CADM2: variants seen among roughly 807,000 people sequenced by gnomAD.
CADM2 encodes the protein cell adhesion molecule 2, also known as immunoglobulin superfamily member 4D.
A neutral mutation model predicts 49.8 loss-of-function variants in CADM2; 12 were observed. The ratio of observed to expected loss-of-function variants is 0.24; its 90% CI spans 0.15 to 0.39. The LOEUF (loss-of-function observed/expected upper bound fraction) is 0.39. Among genes scored for constraint, CADM2 ranks in the 10% least tolerant of loss-of-function variants. The pLI is 1.00. For missense variants in CADM2, 378 were observed against 492.3 expected (o/e 0.77, Z 2.20); for synonymous variants, 214 against 175.4 (o/e 1.22, Z -1.74).
chr3:85,912,474 A>G lies in CADM2; in HGVS notation c.631A>G (p.Ile211Val). ...VDRSDDGVAV[I>V]CRVDHESLNA... The stretch of plus-strand genomic sequence containing the variant: ...CCGGAGTGATGATGGAGTGGCGGTC[A>G]TCTGCAGAGTAGATCACGAATCCCT... Residue 211 changes from isoleucine to valine, a missense_variant, in exon 6 of 10, where the codon ATC (isoleucine) becomes GTC (valine). Transcript: ENST00000383699. 6.2e-7 allele frequency: 1 copy of G among 1,614,120 alleles called. No individual in the cohort carries two copies. Among genetic ancestry groups the G allele is most frequent in the Non-Finnish European group, 8.5e-7 (1 of 1,179,986 alleles).
intron 1 of CADM2, among the ~76,000 whole-genome samples, chr3:85,560,657 A>G (rs1274325436): frequency 6.6e-6 from 1 of 152,178 alleles, no homozygotes; most frequent in Admixed American, 6.5e-5. Flanking sequence ...TTTTTTCACA[A>G]TGAAGCATTT....
chr3:86,026,390 C>G (rs1469354897), intron 8 of CADM2, among the ~76,000 whole-genome samples: 1 of 151,668 alleles, frequency 6.6e-6, no homozygotes, highest in African/African-American at 2.4e-5. Context: ...ACAATTTACA[C>G]TGAGTTTGAT....
intron 1 of CADM2, among the ~76,000 whole-genome samples, chr3:85,114,120 T>C (rs144515278): frequency 0.011 from 1,716 of 152,160 alleles, 36 homozygotes; most frequent in African/African-American, 0.04. Flanking sequence ...GGAACTGAGC[T>C]CTGAGAAAAA....
chr3:85,169,434 G>A (rs768991775), intron 1 of CADM2, among the ~76,000 whole-genome samples: 2 of 152,102 alleles, frequency 1.3e-5, no homozygotes, highest in Non-Finnish European at 2.9e-5. Flanking sequence ...TGTATTATCT[G>A]TAAAATAATT....
intron 1 of CADM2, among the ~76,000 whole-genome samples, chr3:85,640,958 T>G (rs1651294835): frequency 6.6e-6 from 1 of 152,166 alleles, no homozygotes; most frequent in South Asian, 2.1e-4. Flanking sequence ...TATACCTTAT[T>G]ATGCTCACAT....
chr3:85,541,879 A>T (rs1249627112), intron 1 of CADM2, among the ~76,000 whole-genome samples: 6 of 150,256 alleles, frequency 4.0e-5, no homozygotes, highest in Non-Finnish European at 8.9e-5. Context: ...GTAGAAAAAA[A>T]GTAGGCAGAA....
intron 2 of CADM2, among the ~76,000 whole-genome samples, chr3:85,764,149 A>G (rs2069535950): frequency 6.6e-6 from 1 of 152,076 alleles, no homozygotes; most frequent in African/African-American, 2.4e-5. Context: ...GTTTATATCT[A>G]ATTTGTATCT....
intron 1 of CADM2, among the ~76,000 whole-genome samples, chr3:85,518,802 A>G (rs1576703848): frequency 6.6e-6 from 1 of 152,104 alleles, no homozygotes; most frequent in Non-Finnish European, 1.5e-5. Flanking sequence ...GCCTACCCAG[A>G]TGATCTGGGA....
At chr3:85,286,533 A>G (rs577780785) in intron 1 of CADM2, among the ~76,000 whole-genome samples, 98 of 152,272 alleles carry the variant, frequency 6.4e-4, no homozygotes, top group African/African-American at 2.2e-3. Flanking sequence ...GTAATTGGCA[A>G]TTTAAGGAAC....
intron 1 of CADM2, among the ~76,000 whole-genome samples, chr3:85,011,085 G>A (rs893631449): frequency 3.3e-5 from 5 of 151,384 alleles, no homozygotes; most frequent in Non-Finnish European, 7.4e-5. Flanking sequence ...AGGATGGTCT[G>A]GATCTCCTGA....
intron 8 of CADM2, among the ~76,000 whole-genome samples, chr3:86,035,615 G>A (rs1735067665): frequency 6.6e-6 from 1 of 151,994 alleles, no homozygotes; most frequent in African/African-American, 2.4e-5. Context: ...TCTCATTAAG[G>A]TTTCTCTCAA....
At chr3:85,601,130 G>GTATATA (rs375011644) in intron 1 of CADM2, among the ~76,000 whole-genome samples, 26 of 109,634 alleles carry the variant, frequency 2.4e-4, no homozygotes, top group Admixed American at 6.8e-4. Context: ...ATATATGTGT[G>GTATATA]TATATATATA....
At chr3:85,924,178 C>T (rs1553708026) in intron 6 of CADM2, among the ~76,000 whole-genome samples, 3 of 150,918 alleles carry the variant, frequency 2.0e-5, no homozygotes, top group Non-Finnish European at 4.4e-5. Flanking sequence ...TAAATTGTTT[C>T]TTTTTTTTTG....
intron 1 of CADM2, among the ~76,000 whole-genome samples, chr3:85,331,526 T>C (rs2044926516): frequency 6.6e-6 from 1 of 151,404 alleles, no homozygotes; most frequent in South Asian, 2.1e-4. Flanking sequence ...AAAGTGACAA[T>C]AGTCACTTTT....
intron 1 of CADM2, among the ~76,000 whole-genome samples, chr3:85,664,775 C>A (rs778332207): frequency 7.9e-5 from 12 of 152,084 alleles, no homozygotes; most frequent in Middle Eastern, 3.4e-3. Context: ...TGTCTCTTAT[C>A]CCATCTGCAG....
At chr3:85,015,747 GA>G (rs1171336784) in intron 1 of CADM2, among the ~76,000 whole-genome samples, 1 of 152,148 alleles carries the variant, frequency 6.6e-6, no homozygotes, top group African/African-American at 2.4e-5. Flanking sequence ...TACAAGGAGG[GA>G]AAGGACACAT....
At chr3:85,492,586 TA>T (rs906522487) in intron 1 of CADM2, among the ~76,000 whole-genome samples, 59 of 151,210 alleles carry the variant, frequency 3.9e-4, no homozygotes, top group African/African-American at 8.0e-4. Context: ...GGACTCCATT[TA>T]AAAAAAAATG....
intron 1 of CADM2, among the ~76,000 whole-genome samples, chr3:85,676,491 T>A (rs2107646621): frequency 6.6e-6 from 1 of 152,298 alleles, no homozygotes; most frequent in South Asian, 2.1e-4. Context: ...CTTACCTGCT[T>A]ATTAAAAGCA....
At chr3:85,197,201 C>A (rs1205594456) in intron 1 of CADM2, among the ~76,000 whole-genome samples, 1 of 151,436 alleles carries the variant, frequency 6.6e-6, no homozygotes, top group Non-Finnish European at 1.5e-5. Context: ...ACAAAATGGA[C>A]ATGAATTTTG....
Sources: allele counts gnomAD v4.1 joint callset (sites outside exome capture counted in the v4.1 genomes callset), GRCh38; gene constraint gnomAD v4.1.1; transcripts MANE v1.5; gene names NCBI Gene and HGNC (gene_info 2026-07-23, HGNC 2026-07-21).